PTPRT: variants seen among roughly 807,000 people sequenced by gnomAD.
PTPRT encodes the protein receptor-type tyrosine-protein phosphatase T.
A neutral mutation model predicts 176.8 loss-of-function variants in PTPRT; 56 were observed. The observed-to-expected ratio is 0.32, with a 90% CI of 0.26 to 0.40. PTPRT has a LOEUF of 0.40. Among genes scored for constraint, PTPRT ranks in the 10% least tolerant of loss-of-function variants. PTPRT has a pLI of 1.00. For missense variants in PTPRT, 1,540 were observed against 1,908.2 expected, an observed-to-expected ratio of 0.81 and a Z score of 3.60; for synonymous variants, 783 against 739.0, an observed-to-expected ratio of 1.06 and a Z score of -0.96.
chr20:42,960,341 C>A (rs901620496), intron 1 of PTPRT, among the ~76,000 whole-genome samples: 1 of 152,094 alleles, frequency 6.6e-6, no homozygotes, highest in African/African-American at 2.4e-5. Flanking sequence ...CAAGATGGCA[C>A]CTTCTTGCTG....
chr20:42,714,173 T>A (rs2076189313), intron 6 of PTPRT, among the ~76,000 whole-genome samples: 1 of 152,180 alleles, frequency 6.6e-6, no homozygotes, highest in South Asian at 2.1e-4. Flanking sequence ...ATGGGATAGC[T>A]GAGGTCTCAG....
chr20:42,675,223 C>T (rs1274903697), intron 7 of PTPRT, among the ~76,000 whole-genome samples: 1 of 152,174 alleles, frequency 6.6e-6, no homozygotes, highest in African/African-American at 2.4e-5. Context: ...AACTTCAGGT[C>T]TTTTTCAAGG....
chr20:42,476,211 G>C (rs1329956685), intron 7 of PTPRT, among the ~76,000 whole-genome samples: 1 of 152,208 alleles, frequency 6.6e-6, no homozygotes, highest in Non-Finnish European at 1.5e-5. Context: ...TTGGAAGCTT[G>C]TGTGGGGTAG....
intron 1 of PTPRT, among the ~76,000 whole-genome samples, chr20:43,164,225 T>C (rs2014792687): frequency 6.6e-6 from 1 of 152,236 alleles, no homozygotes; most frequent in African/African-American, 2.4e-5. Flanking sequence ...AAGGATGTGC[T>C]GGCACAGATA....
intron 7 of PTPRT, among the ~76,000 whole-genome samples, chr20:42,615,070 A>G (rs1227021237): frequency 7.2e-5 from 9 of 124,376 alleles, no homozygotes; most frequent in Non-Finnish European, 1.0e-4. Flanking sequence ...ATATCTCCCA[A>G]TGCTATCCCT....
chr20:42,865,069 G>T (rs1450531304), intron 2 of PTPRT, among the ~76,000 whole-genome samples: 1 of 152,304 alleles, frequency 6.6e-6, no homozygotes, highest in South Asian at 2.1e-4. Context: ...CCACCTCCAC[G>T]TGCAGTCAAG....
intron 11 of PTPRT, among the ~76,000 whole-genome samples, chr20:42,345,394 T>C (rs6093625): frequency 1.5e-3 from 195 of 129,424 alleles, no homozygotes; most frequent in Non-Finnish European, 1.7e-3. Flanking sequence ...CACACACACA[T>C]ATATATATAA....
At chr20:42,941,521 CT>C (rs1980550415) in intron 1 of PTPRT, among the ~76,000 whole-genome samples, 1 of 152,160 alleles carries the variant, frequency 6.6e-6, no homozygotes, top group African/African-American at 2.4e-5. Flanking sequence ...ACTAATTTTC[CT>C]GTTCACCGTT....
At chr20:43,090,434 A>AT (rs1045465374) in intron 1 of PTPRT, among the ~76,000 whole-genome samples, 13 of 152,034 alleles carry the variant, frequency 8.6e-5, no homozygotes, top group Middle Eastern at 3.4e-3. Flanking sequence ...CGCCTGGCTA[A>AT]TTTTTTTGTA....
At chr20:43,098,768 C>G (rs961711461) in intron 1 of PTPRT, among the ~76,000 whole-genome samples, 1 of 152,130 alleles carries the variant, frequency 6.6e-6, no homozygotes, top group African/African-American at 2.4e-5. Flanking sequence ...TCTACAAAGG[C>G]CATGTTTTAA....
intron 1 of PTPRT, among the ~76,000 whole-genome samples, chr20:43,013,307 A>G (rs1985219569): frequency 6.6e-6 from 1 of 152,124 alleles, no homozygotes; most frequent in African/African-American, 2.4e-5. Flanking sequence ...TGTCCCTCAA[A>G]GCATCGAGAG....
At chr20:43,174,199 A>G (rs528317046) in intron 1 of PTPRT, among the ~76,000 whole-genome samples, 21 of 152,338 alleles carry the variant, frequency 1.4e-4, no homozygotes, top group African/African-American at 5.1e-4. Context: ...AATGCCCAAG[A>G]ACACAGAATC....
In PTPRT at chr20:42,146,504, A is replaced by T. The variant is rs143486324; in HGVS notation, c.2683-4502T>A. 2.8e-3 allele frequency among the ~76,000 whole-genome samples: 421 copies of T among 152,280 alleles called. 5 individuals are homozygous for T. The highest frequency in any genetic ancestry group is 9.6e-3 in the African/African-American group (398 of 41,562). On this transcript the variant is annotated intron_variant, in intron 17 of 30. Coordinates refer to ENST00000373187, the MANE Select transcript of PTPRT (RefSeq NM_007050.6). ...ACCTGGGCAGGTTTTACAACTCCCA[A>T]AGCCAAGGTCCTTCTCAAGACCAAT...
At chr20:42,055,082 A>G in the PTPRT span, among the ~76,000 whole-genome samples, 1 of 152,212 alleles carries the variant, frequency 6.6e-6, no homozygotes, top group African/African-American at 2.4e-5. Flanking sequence ...AACTTAAAGT[A>G]TAATAAAAAA....
At chr20:42,590,927 CGTGTGTGTGTGTGTGTGTGTGTGT>C (rs11468131) in intron 7 of PTPRT, among the ~76,000 whole-genome samples, 11 of 131,088 alleles carry the variant, frequency 8.4e-5, no homozygotes, top group East Asian at 2.4e-4. Flanking sequence ...AGAGATTTAG[CGTGTGTGTGTGTGTGTGTGTGTGT>C]GTGTGTGTGT....
chr20:42,128,994 G>A (rs1987999019), intron 18 of PTPRT, among the ~76,000 whole-genome samples, 164 bp from the exon 19 acceptor site: 1 of 152,126 alleles, frequency 6.6e-6, no homozygotes, highest in Non-Finnish European at 1.5e-5. Flanking sequence ...TATAGATGAG[G>A]AAGTGGAGGC....
intron 2 of PTPRT, among the ~76,000 whole-genome samples, chr20:42,840,377 G>A (rs970705111): frequency 1.3e-5 from 2 of 151,974 alleles, no homozygotes; most frequent in South Asian, 2.1e-4. Flanking sequence ...GGTATTTAAG[G>A]CTTCAACACA....
chr20:42,779,993 C>A (rs2077191814), intron 4 of PTPRT, among the ~76,000 whole-genome samples: 1 of 152,118 alleles, frequency 6.6e-6, no homozygotes, highest in African/African-American at 2.4e-5. Context: ...AGATGTTTTG[C>A]CACTCTCTGC....
chr20:43,020,111 T>C (rs1439160311), intron 1 of PTPRT, among the ~76,000 whole-genome samples: 1 of 123,110 alleles, frequency 8.1e-6, no homozygotes, highest in African/African-American at 4.4e-5. Flanking sequence ...TGTGTGTGTG[T>C]ATATATATAT....
Sources: allele counts gnomAD v4.1 joint callset (sites outside exome capture counted in the v4.1 genomes callset), GRCh38; gene constraint gnomAD v4.1.1; transcripts MANE v1.5; gene names NCBI Gene and HGNC (gene_info 2026-07-23, HGNC 2026-07-21).